BAZ2B: variants seen among roughly 807,000 people sequenced by gnomAD.
BAZ2B encodes bromodomain adjacent to zinc finger domain protein 2B.
A neutral mutation model predicts 246.0 loss-of-function variants in BAZ2B; 91 were observed. The ratio of observed to expected loss-of-function variants is 0.37; its 90% confidence interval spans 0.31 to 0.44. The LOEUF is 0.44. Ranked by LOEUF, BAZ2B falls within the 20% of genes least tolerant of loss-of-function variation. The probability of loss-of-function intolerance (pLI) is 1.00; values close to 1 mark genes in which losing one functional copy is unlikely to be tolerated. For missense variants in BAZ2B, 2,332 were observed against 2,533.7 expected (o/e 0.92, Z 1.71); for synonymous variants, 855 against 860.0 (o/e 0.99, Z 0.10).
intron 31 of BAZ2B, 136 bp from the exon 32 acceptor site, chr2:159,337,908 C>A: frequency 7.8e-6 from 6 of 769,550 alleles, no homozygotes; most frequent in South Asian, 3.0e-5. Context: ...CTTGTGTTTC[C>A]TAAAACTAGG....
intron 13 of BAZ2B, among the ~76,000 whole-genome samples, chr2:159,426,544 T>C (rs912943087): frequency 1.3e-5 from 2 of 152,064 alleles, no homozygotes; most frequent in Non-Finnish European, 2.9e-5. Flanking sequence ...CTTTAGTTTT[T>C]AAAAAAATAG....
At chr2:159,689,288 G>A in the BAZ2B span, 3 of 458,946 alleles carry the variant, frequency 6.5e-6, no homozygotes, top group Non-Finnish European at 1.2e-5. Context: ...ATCCCCAGTG[G>A]CTTTTCCAGT....
chr2:159,699,607 T>C, the BAZ2B span, among the ~76,000 whole-genome samples: 1 of 152,174 alleles, frequency 6.6e-6, no homozygotes, highest in Non-Finnish European at 1.5e-5. Context: ...TCATAGAGCT[T>C]ACAATAAATC....
intron 25 of BAZ2B, among the ~76,000 whole-genome samples, chr2:159,380,561 A>G (rs73967860): frequency 0.07 from 10,722 of 152,220 alleles, 1,246 homozygotes; most frequent in African/African-American, 0.24. Flanking sequence ...GCCTTCTTAC[A>G]AGGTTGGTCC....
At chr2:159,536,253 G>C (rs2085973643) in intron 2 of BAZ2B, 1 of 152,060 alleles carries the variant, frequency 6.6e-6, no homozygotes, top group Admixed American at 6.6e-5. Flanking sequence ...TTTAAGGCTA[G>C]TCAAGCAAAG....
At chr2:159,371,217 A>T (rs1401342371) in intron 27 of BAZ2B, among the ~76,000 whole-genome samples, 1 of 151,862 alleles carries the variant, frequency 6.6e-6, no homozygotes, top group African/African-American at 2.4e-5. Context: ...CTCTTGGCTC[A>T]TTGCAACCTC....
chr2:159,323,389 G>C (rs1253081252), intron 36 of BAZ2B, among the ~76,000 whole-genome samples: 4 of 152,154 alleles, frequency 2.6e-5, no homozygotes, highest in African/African-American at 9.7e-5. Context: ...GGAAGATCAT[G>C]GAAGTTAAAA....
intron 1 of BAZ2B, among the ~76,000 whole-genome samples, chr2:159,572,896 G>A (rs1053933553): frequency 5.3e-5 from 8 of 152,128 alleles, no homozygotes; most frequent in South Asian, 2.1e-4. Flanking sequence ...TTTATCCTAA[G>A]CAACATGAGA....
chr2:159,517,416 C>T (rs1244589981), intron 2 of BAZ2B, among the ~76,000 whole-genome samples: 3 of 151,678 alleles, frequency 2.0e-5, no homozygotes, highest in Non-Finnish European at 2.9e-5. Flanking sequence ...AAACCCAACT[C>T]CATCAAAATG....
the BAZ2B span, chr2:159,689,202 A>G: frequency 1.5e-5 from 7 of 452,844 alleles, no homozygotes; most frequent in Non-Finnish European, 2.0e-5. Flanking sequence ...TGCCACTATT[A>G]TAAGTCTGAA....
At chr2:159,607,117 A>G (rs1382703591) in intron 1 of BAZ2B, among the ~76,000 whole-genome samples, 1 of 152,074 alleles carries the variant, frequency 6.6e-6, no homozygotes, top group African/African-American at 2.4e-5. Flanking sequence ...GGCCTCCCAA[A>G]GTGCTGGGAT....
At chr2:159,400,997 TG>T (rs1171694323) in intron 16 of BAZ2B, among the ~76,000 whole-genome samples, 4 of 151,936 alleles carry the variant, frequency 2.6e-5, no homozygotes, top group African/African-American at 9.7e-5. Flanking sequence ...TCAGCCAAGA[TG>T]TGCCACTGCA....
intron 27 of BAZ2B, among the ~76,000 whole-genome samples, chr2:159,358,058 T>C (rs975886437): frequency 4.6e-5 from 7 of 152,128 alleles, no homozygotes; most frequent in East Asian, 1.9e-4. Context: ...GCATCAACTA[T>C]TGGGCAAAAT....
chr2:159,616,629 A>C (rs1696137907), upstream of BAZ2B: 1 of 152,180 alleles, frequency 6.6e-6, no homozygotes, highest in Non-Finnish European at 1.5e-5. Flanking sequence ...AAAGAGAGAG[A>C]ATTGTTTATA....
At chr2:159,492,747 G>A (rs1428174676) in intron 2 of BAZ2B, among the ~76,000 whole-genome samples, 1 of 152,068 alleles carries the variant, frequency 6.6e-6, no homozygotes, top group African/African-American at 2.4e-5. Flanking sequence ...AATTATCACA[G>A]ATTTTAAAAT....
rs373982448 is a variant in BAZ2B at position 159,325,856 on chromosome 2, T to C, written c.6006A>G (p.Ser2002=). Residue 2002 remains serine, a synonymous_variant, in exon 35 of 37, where the codon TCA becomes TCG. Coordinates refer to ENST00000392783, the MANE Select transcript of BAZ2B (RefSeq NM_013450.4). ...LHVKGKKTNE[S]KKGKKVTLTG... ...TTAAAGTTACCTTCTTGCCTTTCTT[T>C]GACTCATTAGTCTTTTTTCCTTTGA... 10 of 1,606,340 alleles carry C rather than the reference T, an allele frequency of 6.2e-6. No individual in the cohort carries two copies. In the African/African-American group the frequency reaches 1.1e-4, roughly 17 times the overall value.
intron 36 of BAZ2B, 67 bp from the exon 37 acceptor site, chr2:159,320,485 G>A: frequency 1.5e-6 from 2 of 1,324,956 alleles, no homozygotes; most frequent in South Asian, 1.5e-5. Flanking sequence ...CAAATGAAGA[G>A]TTAATAAAGG....
Position 159,325,749 on chromosome 2 carries a change from A to G in BAZ2B, c.6113T>C (p.Met2038Thr). The change falls in exon 35 of 37, where the codon ATG (methionine) becomes ACG (threonine). Residue 2038 changes from methionine to threonine, a missense_variant. Coordinates refer to ENST00000392783, the MANE Select transcript of BAZ2B (RefSeq NM_013450.4). The stretch of plus-strand genomic sequence containing the variant: ...CAAGTTAATAGAAGTGTTTTCCTCC[A>G]TTTTTCTTTTCTTGAGGTCTTTGTT... ...RGNKDLKKRK[M>T]EENTSINLSK... is the part of the protein sequence containing the mutation. 3 of 1,598,170 alleles carry G rather than the reference A, an allele frequency of 1.9e-6. No homozygotes were observed. The highest frequency in any genetic ancestry group is 2.5e-6 in the Non-Finnish European group (3 of 1,176,508).
intron 3 of BAZ2B, chr2:159,461,748 T>A (rs2076427162): frequency 6.5e-6 from 1 of 152,692 alleles, no homozygotes; most frequent in Admixed American, 6.5e-5. Context: ...AGAGAAGGGA[T>A]GAAAGCAAAC....
Sources: gnomAD v4.1 joint callset for allele counts (sites outside exome capture counted in the v4.1 genomes callset) on GRCh38, gnomAD v4.1.1 for gene constraint, MANE v1.5 for transcripts, NCBI Gene and HGNC (gene_info 2026-07-23, HGNC 2026-07-21) for gene names.